The following CCDC7 variants were observed in gnomAD, a reference collection of about 807,000 sequenced individuals.
CCDC7 encodes coiled-coil domain-containing protein 7.
Under a neutral mutation model 196.9 loss-of-function variants are expected in CCDC7, and 183 were observed. The ratio of observed to expected loss-of-function variants is 0.93; its 90% CI spans 0.82 to 1.05. The LOEUF (loss-of-function observed/expected upper bound fraction) is 1.05, where lower values mean the gene tolerates loss of function less well. Ranked by LOEUF, CCDC7 falls within the 50% of genes least tolerant of loss-of-function variation. The probability of loss-of-function intolerance (pLI) is 0.00; values close to 1 mark genes in which losing one functional copy is unlikely to be tolerated. For missense variants in CCDC7, 1,540 were observed against 1,482.2 expected (o/e 1.04, Z -0.64); for synonymous variants, 525 against 484.6 (o/e 1.08, Z -1.10).
At chr10:32,698,002 G>C (rs988120071) in intron 24 of CCDC7, among the ~76,000 whole-genome samples, 1 of 152,192 alleles carries the variant, frequency 6.6e-6, no homozygotes, top group Non-Finnish European at 1.5e-5. Context: ...AGCAACCTTT[G>C]CTCTTCTGCA....
At chr10:32,457,582 T>C (rs1003565532) in intron 3 of CCDC7, among the ~76,000 whole-genome samples, 4 of 152,170 alleles carry the variant, frequency 2.6e-5, no homozygotes, top group Non-Finnish European at 2.9e-5. Flanking sequence ...GTAGTTCTAT[T>C]GGTAGTTTTT....
chr10:32,485,008 C>T (rs2040737879), intron 8 of CCDC7, among the ~76,000 whole-genome samples: 1 of 152,170 alleles, frequency 6.6e-6, no homozygotes, highest in South Asian at 2.1e-4. Flanking sequence ...TGATGCTGGC[C>T]TCATAAAATG....
At chr10:32,506,680 C>T (rs989678265) in intron 9 of CCDC7, among the ~76,000 whole-genome samples, 91 of 152,290 alleles carry the variant, frequency 6.0e-4, no homozygotes, top group Non-Finnish European at 5.1e-4. Context: ...GGCGAAACCC[C>T]ATCTCCACCA....
At chr10:32,668,945 G>T (rs771877472) in intron 21 of CCDC7, among the ~76,000 whole-genome samples, 2 of 152,054 alleles carry the variant, frequency 1.3e-5, no homozygotes, top group South Asian at 4.2e-4. Context: ...GAATAGAAGT[G>T]GTAAGAATAA....
intron 7 of CCDC7, among the ~76,000 whole-genome samples, chr10:32,472,746 C>T (rs2038202456): frequency 6.6e-6 from 1 of 151,998 alleles, no homozygotes; most frequent in Non-Finnish European, 1.5e-5. Context: ...CAGGCACAGG[C>T]CACTGAGGCC....
chr10:32,567,119 G>T lies in CCDC7; in HGVS notation c.1198-551G>T, dbSNP rs7905209. Among the ~76,000 whole-genome samples, 13 of 138,538 alleles carry T rather than the reference G, an allele frequency of 9.4e-5. 1 individual carries two copies. The East Asian group carries it at 2.4e-3, about 25-fold the overall frequency. 90.9% of individuals were successfully genotyped at this position (138,538 alleles called of 152,430 possible). A position where few individuals can be genotyped will look rare whatever the true frequency, so the allele number is the denominator to read the frequency against. On this transcript the variant is annotated intron_variant, in intron 14 of 41. Transcript: ENST00000639629. ...GTTATATTTAGAAAAATTTAAAAAGGATATATCTCAAAATGTTAATAGTAA... is the reference window on the plus strand; with the variant it reads ...GTTATATTTAGAAAAATTTAAAAAGTATATATCTCAAAATGTTAATAGTAA...
At position 32,869,337 on chromosome 10, in the gene CCDC7, TC is replaced by T. The variant is rs1366498471; in HGVS notation, c.4112-7009del. On this transcript the variant is annotated intron_variant, in intron 41 of 41. Coordinates refer to ENST00000639629, the Ensembl canonical transcript of CCDC7. ...ATGGCCAGTGATAATGAGCATTTTT[TC>T]ATGTGTCTGTTGGCTGCATAAATGT... Among the ~76,000 whole-genome samples, 8 of 152,344 alleles carry T rather than the reference TC, an allele frequency of 5.3e-5. No individual in the cohort carries two copies. The East Asian group carries it at 1.5e-3, about 29-fold the overall frequency.
intron 28 of CCDC7, among the ~76,000 whole-genome samples, chr10:32,743,557 A>G (rs2074153450): frequency 6.6e-6 from 1 of 152,124 alleles, no homozygotes; most frequent in Admixed American, 6.6e-5. Context: ...TTAAGTCTTT[A>G]GTCCATTGTG....
intron 18 of CCDC7, among the ~76,000 whole-genome samples, chr10:32,585,355 G>A (rs536478025): frequency 1.3e-5 from 2 of 152,286 alleles, no homozygotes; most frequent in South Asian, 4.2e-4. Context: ...TTACAGGCGT[G>A]AGCCACCGCG....
chr10:32,814,375 G>T, exon 31 of CCDC7: 1 of 1,600,070 alleles, frequency 6.2e-7, no homozygotes, highest in Non-Finnish European at 8.6e-7. Context: ...TATAGGGCCT[G>T]ATATAGAACA....
chr10:32,751,850 C>T (rs909574009), intron 28 of CCDC7, among the ~76,000 whole-genome samples: 24 of 151,978 alleles, frequency 1.6e-4, no homozygotes, highest in Admixed American at 1.1e-3. Flanking sequence ...CTATGGCAGT[C>T]GAAAAGATAT....
chr10:32,695,712 AC>A (rs2077621862), intron 24 of CCDC7, among the ~76,000 whole-genome samples: 1 of 152,074 alleles, frequency 6.6e-6, no homozygotes, highest in African/African-American at 2.4e-5. Flanking sequence ...CTTGAGGAGG[AC>A]ATTAAAGGTG....
intron 18 of CCDC7, among the ~76,000 whole-genome samples, chr10:32,622,496 A>G (rs1212193545): frequency 6.6e-6 from 1 of 151,954 alleles, no homozygotes. Context: ...AAGATGTACT[A>G]TGGGGGTGGG....
intron 20 of CCDC7, among the ~76,000 whole-genome samples, chr10:32,641,831 G>A (rs1300397024): frequency 2.6e-5 from 4 of 152,108 alleles, no homozygotes; most frequent in African/African-American, 7.2e-5. Flanking sequence ...TGGGGTTTTG[G>A]TGTGGATGTC....
At chr10:32,467,106 C>CTT (rs35747517) in intron 5 of CCDC7, among the ~76,000 whole-genome samples, 8 of 142,642 alleles carry the variant, frequency 5.6e-5, no homozygotes, top group Admixed American at 7.0e-5. Context: ...CCTTTGTCCA[C>CTT]TTTTTTTTTT....
At chr10:32,637,093 G>A (rs1403045908) in intron 20 of CCDC7, among the ~76,000 whole-genome samples, 50 of 151,898 alleles carry the variant, frequency 3.3e-4, no homozygotes, top group African/African-American at 1.1e-3. Context: ...TTTTTCTTGT[G>A]AATTTGTTTG....
intron 41 of CCDC7, among the ~76,000 whole-genome samples, chr10:32,858,644 G>A (rs2093851259): frequency 6.6e-6 from 1 of 151,966 alleles, no homozygotes; most frequent in African/African-American, 2.4e-5. Flanking sequence ...TTTATTGAAA[G>A]TTTTAATAGT....
downstream of CCDC7, among the ~76,000 whole-genome samples, chr10:32,881,009 T>C (rs1041464169): frequency 6.6e-6 from 1 of 152,236 alleles, no homozygotes; most frequent in Non-Finnish European, 1.5e-5. Flanking sequence ...CAGAAGTGAC[T>C]AGTAAGATAG....
At chr10:32,627,738 G>T (rs1409155119) in intron 18 of CCDC7, among the ~76,000 whole-genome samples, 1 of 151,500 alleles carries the variant, frequency 6.6e-6, no homozygotes, top group Admixed American at 6.6e-5. Context: ...GTTGAATTTT[G>T]TCAAATGCCT....
Sources: gnomAD v4.1 joint callset for allele counts (sites outside exome capture counted in the v4.1 genomes callset) on GRCh38, gnomAD v4.1.1 for gene constraint, MANE v1.5 for transcripts, NCBI Gene and HGNC (gene_info 2026-07-23, HGNC 2026-07-21) for gene names.